Variants in DLGAP2 observed in about 807,000 individuals in gnomAD.
The protein encoded by DLGAP2 is disks large-associated protein 2.
Under a neutral mutation model 100.3 loss-of-function variants are expected in DLGAP2, and 26 were observed. That is an observed-to-expected ratio of 0.26 (90% confidence interval 0.19 to 0.36). The LOEUF (loss-of-function observed/expected upper bound fraction) is 0.36, where lower values mean the gene tolerates loss of function less well. Ranked by LOEUF, DLGAP2 falls within the 10% of genes least tolerant of loss-of-function variation. The pLI is 1.00. For missense variants in DLGAP2, 1,858 were observed against 1,453.2 expected, an observed-to-expected ratio of 1.28 and a Z score of -4.53; for synonymous variants, 886 against 630.1, an observed-to-expected ratio of 1.41 and a Z score of -6.08.
At chr8:1,192,031 G>A (rs1301114707) in intron 2 of DLGAP2, among the ~76,000 whole-genome samples, 1 of 152,174 alleles carries the variant, frequency 6.6e-6, no homozygotes, top group Non-Finnish European at 1.5e-5. Flanking sequence ...TGTATGACTG[G>A]ACATTCGTAG....
chr8:1,309,548 A>G (rs1800565460), intron 3 of DLGAP2, among the ~76,000 whole-genome samples: 2 of 152,232 alleles, frequency 1.3e-5, no homozygotes, highest in South Asian at 4.1e-4. Flanking sequence ...TCCCAGATAA[A>G]CGGAACTTGA....
intron 3 of DLGAP2, among the ~76,000 whole-genome samples, chr8:1,413,818 G>C (rs1223979655): frequency 6.6e-6 from 1 of 152,236 alleles, no homozygotes. Context: ...ACGCCTGCCA[G>C]GTGGGCCTTG....
intron 2 of DLGAP2, among the ~76,000 whole-genome samples, chr8:1,098,860 G>C (rs951392956): frequency 1.3e-5 from 2 of 152,020 alleles, no homozygotes; most frequent in Non-Finnish European, 2.9e-5. Context: ...CCAGGGTCCC[G>C]GTAGGGCCCT....
At chr8:1,638,574 A>C (rs1797823610) in intron 8 of DLGAP2, among the ~76,000 whole-genome samples, 1 of 152,060 alleles carries the variant, frequency 6.6e-6, no homozygotes, top group Non-Finnish European at 1.5e-5. Context: ...ACAGCTCCTC[A>C]AATAGCACAG....
At chr8:1,245,229 C>A (rs544125838) in intron 2 of DLGAP2, among the ~76,000 whole-genome samples, 1 of 152,120 alleles carries the variant, frequency 6.6e-6, no homozygotes, top group Non-Finnish European at 1.5e-5. Context: ...ACCATAAATC[C>A]CATTTCTTGG....
rs1799664180 is a variant in DLGAP2, at chr8:1,704,882, C to T, written c.*3476C>T. ...ATTATTAGAAGACACAGTGGCAGAG[C>T]ACACATGTGCACAGGTTCTGATTAT... On this transcript the variant is annotated 3_prime_UTR_variant, in exon 15 of 15. Transcript: ENST00000637795. 6.6e-6 allele frequency: 1 copy of T among 152,202 alleles called. No homozygotes were observed. The allele number at this position is 152,202 out of a possible 1,614,324, so 9.4% of individuals were successfully genotyped here. A position where few individuals can be genotyped will look rare whatever the true frequency, so the allele number is the denominator to read the frequency against.
chr8:879,425 A>G (rs749187133), intron 1 of DLGAP2, among the ~76,000 whole-genome samples: 6 of 152,174 alleles, frequency 3.9e-5, no homozygotes, highest in Admixed American at 1.3e-4. Context: ...GTTCCCATGC[A>G]GGTGTCACTT....
chr8:947,597 C>T (rs1167058307), intron 2 of DLGAP2, among the ~76,000 whole-genome samples: 3 of 152,284 alleles, frequency 2.0e-5, no homozygotes, highest in South Asian at 4.1e-4. Context: ...TCACACCAAC[C>T]GGCCCAGGCC....
At chr8:1,249,835 A>G (rs1478668509) in intron 2 of DLGAP2, among the ~76,000 whole-genome samples, 4 of 152,174 alleles carry the variant, frequency 2.6e-5, no homozygotes, top group Non-Finnish European at 5.9e-5. Context: ...GGGTTGAATA[A>G]TACTGAGACC....
chr8:1,424,126 C>A (rs144979711), intron 3 of DLGAP2, among the ~76,000 whole-genome samples: 24 of 152,368 alleles, frequency 1.6e-4, no homozygotes, highest in African/African-American at 5.8e-4. Flanking sequence ...AAAGCGGGCT[C>A]CACATGGGTG....
intron 2 of DLGAP2, among the ~76,000 whole-genome samples, chr8:1,216,313 A>G (rs1281917800): frequency 6.6e-6 from 1 of 152,054 alleles, no homozygotes; most frequent in Non-Finnish European, 1.5e-5. Flanking sequence ...GATATCCAGG[A>G]AGGCATGTCC....
At chr8:981,869 T>C (rs1480282549) in intron 2 of DLGAP2, among the ~76,000 whole-genome samples, 1 of 152,252 alleles carries the variant, frequency 6.6e-6, no homozygotes, top group African/African-American at 2.4e-5. Context: ...ATGAATCCTC[T>C]TTCCACAAAG....
At chr8:915,053 G>T (rs1798561724) in intron 2 of DLGAP2, among the ~76,000 whole-genome samples, 1 of 152,318 alleles carries the variant, frequency 6.6e-6, no homozygotes, top group African/African-American at 2.4e-5. Flanking sequence ...ACTGCCACAG[G>T]TTCCTGTGAG....
At chr8:1,000,534 C>A (rs1800924747) in intron 2 of DLGAP2, among the ~76,000 whole-genome samples, 1 of 150,884 alleles carries the variant, frequency 6.6e-6, no homozygotes, top group South Asian at 2.1e-4. Flanking sequence ...ATAGAGCGGA[C>A]AGATCTGGGT....
chr8:1,417,128 T>G (rs1410616726), intron 3 of DLGAP2, among the ~76,000 whole-genome samples: 8 of 151,440 alleles, frequency 5.3e-5, no homozygotes, highest in African/African-American at 1.9e-4. Context: ...GTTCATTCAT[T>G]TAGCGTCTGA....
In DLGAP2 at chr8:937,415, A is replaced by G. The variant is rs141677300; in HGVS notation, c.73+29449A>G. ...CCAAAAAAATTTTTTTAAGAAGCCT[A>G]TTTTTCCCCATGACTATGAGAGAGA... On this transcript the variant is annotated intron_variant, in intron 2 of 14. Coordinates refer to ENST00000637795, the MANE Select transcript of DLGAP2 (RefSeq NM_001346810.2). Among the ~76,000 whole-genome samples, 1,272 of 152,268 alleles carry G rather than the reference A, an allele frequency of 8.4e-3. 9 individuals are homozygous for G. The highest frequency in any genetic ancestry group is 0.02 in the Middle Eastern group (6 of 294).
chr8:1,069,113 A>G (rs529423590), intron 2 of DLGAP2, among the ~76,000 whole-genome samples: 2 of 152,374 alleles, frequency 1.3e-5, no homozygotes, highest in South Asian at 4.1e-4. Flanking sequence ...CTGACGCGGC[A>G]GCAGCATTCT....
chr8:1,202,963 A>G (rs960431217), intron 2 of DLGAP2, among the ~76,000 whole-genome samples: 3 of 152,192 alleles, frequency 2.0e-5, no homozygotes, highest in Non-Finnish European at 4.4e-5. Context: ...GCTGAGCGAC[A>G]TCACGGTTTC....
intron 6 of DLGAP2, among the ~76,000 whole-genome samples, chr8:1,625,865 T>C (rs1272969302): frequency 6.6e-6 from 1 of 152,240 alleles, no homozygotes; most frequent in Non-Finnish European, 1.5e-5. Flanking sequence ...CTCAGAATAT[T>C]TGCATATGGC....
Sources: gnomAD v4.1 joint callset for allele counts (sites outside exome capture counted in the v4.1 genomes callset) on GRCh38, gnomAD v4.1.1 for gene constraint, MANE v1.5 for transcripts, NCBI Gene and HGNC (gene_info 2026-07-23, HGNC 2026-07-21) for gene names.